The following ZNF839 variants were observed in gnomAD, a reference collection of about 807,000 sequenced individuals.
ZNF839 encodes the protein renal carcinoma antigen NY-REN-50.
A neutral mutation model predicts 56.4 loss-of-function variants in ZNF839; 38 were observed. That is an observed-to-expected ratio of 0.67 (90% CI 0.52 to 0.88). The LOEUF (loss-of-function observed/expected upper bound fraction) is 0.88, where lower values mean the gene tolerates loss of function less well. Ranked by LOEUF, ZNF839 falls within the 40% of genes least tolerant of loss-of-function variation. The pLI, the probability that ZNF839 is intolerant of heterozygous loss-of-function variation, is 0.00. For missense variants in ZNF839, 1,091 were observed against 1,177.6 expected (o/e 0.93, Z 1.08); for synonymous variants, 486 against 493.5 (o/e 0.98, Z 0.20).
chr14:102,341,433 G>A lies in ZNF839; in HGVS notation c.2038G>A (p.Ala680Thr). ...SVFQAGPQLQ[A>T]LANLEARRGS... ...GTTCCAGGCGGGCCCGCAGCTTCAG[G>A]CACTGGCTAACTTAGAAGCCAGGAG... is the stretch of plus-strand genomic sequence containing the variant. The change falls in exon 8 of 8, where the codon GCA (alanine) becomes ACA (threonine). Residue 680 changes from alanine to threonine, a missense_variant. Physicochemically the swap from Ala to Thr is moderately conservative, Grantham distance 58 (BLOSUM62 0). Around this residue, in one of 3 missense-constraint regions of ZNF839, gnomAD observed 431 missense variants for 468.0 expected, o/e 0.92. Coordinates refer to ENST00000442396, the MANE Select transcript of ZNF839 (RefSeq NM_018335.6). 2 of 1,593,684 alleles carry A rather than the reference G, an allele frequency of 1.3e-6. No individual in the cohort carries two copies. The highest frequency in any genetic ancestry group is 1.7e-6 in the Non-Finnish European group (2 of 1,169,624).
In ZNF839 at chr14:102,338,180, A is replaced by G. The variant is rs114358968; in HGVS notation, c.1660-636A>G. On this transcript the variant is annotated intron_variant, in intron 5 of 7. Transcript: ENST00000442396. The stretch of plus-strand genomic sequence containing the variant: ...AGGGATAGTGGGAAAGAAAGTTACT[A>G]TGGTATCAGCTAACATTATTAAGCT... Among the ~76,000 whole-genome samples, 208 of 152,348 alleles carry G rather than the reference A, an allele frequency of 1.4e-3. 2 individuals are homozygous for G. Among genetic ancestry groups the G allele is most frequent in the African/African-American group, 4.8e-3 (200 of 41,588 alleles).
intron 4 of ZNF839, 130 bp downstream of exon 4, chr14:102,334,776 C>T (rs188377619): frequency 3.6e-5 from 15 of 411,988 alleles, no homozygotes; most frequent in African/African-American, 3.0e-4. Context: ...CAGGGTCTTG[C>T]TCTGTCGCCC....
Position 102,332,623 on chromosome 14 carries a change from G to A in ZNF839, c.1416+777G>A, listed in dbSNP as rs917472709. Reference sequence around the variant, plus strand: ...AACCAGTCATCTGACAAAACTGTCAGTTGAGGCCGGGCACGGTGGCTCACA... The same window carrying A: ...AACCAGTCATCTGACAAAACTGTCAATTGAGGCCGGGCACGGTGGCTCACA... On this transcript the variant is annotated intron_variant, in intron 3 of 7. Transcript: ENST00000442396. The surrounding 1 kb of genome is among the most constrained non-coding windows in gnomAD (Gnocchi z 4.9). Among the ~76,000 whole-genome samples, 1 of 151,978 alleles carries A rather than the reference G, an allele frequency of 6.6e-6. No individual in the cohort carries two copies. Among genetic ancestry groups the A allele is most frequent in the African/African-American group, 2.4e-5 (1 of 41,392 alleles).
At chr14:102,320,236 C>T (rs1004614395) in intron 1 of ZNF839, among the ~76,000 whole-genome samples, 183 bp downstream of exon 1, 1 of 152,172 alleles carries the variant, frequency 6.6e-6, no homozygotes, top group Non-Finnish European at 1.5e-5. Context: ...ATTTTCACCC[C>T]AGGAGCCTCA....
Position 102,336,316 on chromosome 14 carries a change from A to G in ZNF839, c.1659+478A>G, listed in dbSNP as rs370098889. Among the ~76,000 whole-genome samples, 42 of 150,940 alleles carry G rather than the reference A, an allele frequency of 2.8e-4. 1 individual carries two copies. Among genetic ancestry groups the G allele is most frequent in the African/African-American group, 9.5e-4 (39 of 41,072 alleles). Reference sequence around the variant, plus strand: ...TTTTTTCTTTTTGTTTTTTTGGGAGATGGAGTCTTGCTCTGTCACCCAGGC... The same window carrying G: ...TTTTTTCTTTTTGTTTTTTTGGGAGGTGGAGTCTTGCTCTGTCACCCAGGC... On this transcript the variant is annotated intron_variant, in intron 5 of 7. Transcript: ENST00000442396.
intron 7 of ZNF839, among the ~76,000 whole-genome samples, chr14:102,340,916 A>G (rs7151376): frequency 6.6e-6 from 1 of 151,948 alleles, no homozygotes; most frequent in Non-Finnish European, 1.5e-5. Context: ...CTAAAAATAC[A>G]AAAATTAGCT....
chr14:102,323,149 G>A (rs544895476), intron 1 of ZNF839, among the ~76,000 whole-genome samples: 1 of 152,322 alleles, frequency 6.6e-6, no homozygotes, highest in African/African-American at 2.4e-5. Flanking sequence ...GGGCCAGTTG[G>A]TCGTCCCAAA....
intron 2 of ZNF839, among the ~76,000 whole-genome samples, chr14:102,330,741 C>T (rs975017091): frequency 6.6e-6 from 1 of 152,156 alleles, no homozygotes; most frequent in African/African-American, 2.4e-5. Flanking sequence ...TGGTCTCAAA[C>T]TCCTGACCTC....
rs376419486 is a variant in ZNF839 at position 102,335,766 on chromosome 14, G to C, written c.1587G>C (p.Lys529Asn). The change falls in exon 5 of 8, where the codon AAG becomes AAC. Residue 529 changes from lysine (K) to asparagine (N), a missense_variant. By Grantham distance (94) the Lys-to-Asn change is moderately conservative. Around this residue, in one of 3 missense-constraint regions of ZNF839, gnomAD observed 46 missense variants for 80.4 expected, o/e 0.57. Transcript: ENST00000442396. ...TTGAAGAGTTGCATAAAATGGTTAA[G>C]AAAATGTGCCAAGATTACCTCAGTA... ...KEFEELHKMVKKMCQDYLSSS... is the reference protein window; with the variant it reads ...KEFEELHKMVNKMCQDYLSSS... 6.2e-7 allele frequency: 1 copy of C among 1,605,030 alleles called. No homozygotes were observed. Among genetic ancestry groups the C allele is most frequent in the Non-Finnish European group, 8.5e-7 (1 of 1,179,834 alleles).
At chr14:102,335,577 C>A in intron 4 of ZNF839, 112 bp from the exon 5 acceptor site, 2 of 1,094,214 alleles carry the variant, frequency 1.8e-6, no homozygotes, top group South Asian at 1.6e-5. Flanking sequence ...ACGCACACCA[C>A]TGAGGGCTGC....
intron 3 of ZNF839, among the ~76,000 whole-genome samples, chr14:102,333,091 C>T (rs2073860790): frequency 6.6e-6 from 1 of 152,172 alleles, no homozygotes; most frequent in South Asian, 2.1e-4. Context: ...CAGCTGGCCA[C>T]TTCTTTCAAA....
chr14:102,321,800 G>A (rs2073140635), intron 1 of ZNF839, among the ~76,000 whole-genome samples: 1 of 152,176 alleles, frequency 6.6e-6, no homozygotes, highest in African/African-American at 2.4e-5. Context: ...ATCTGAACTA[G>A]ATTTGAAAGG....
chr14:102,334,488 C>T (rs1262348686), intron 3 of ZNF839, 66 bp from the exon 4 acceptor site: 1 of 1,191,316 alleles, frequency 8.4e-7, no homozygotes, highest in Non-Finnish European at 1.2e-6. Flanking sequence ...TATATTGCAC[C>T]AACTTGTTGG....
At chr14:102,337,890 C>T (rs151129902) in intron 5 of ZNF839, among the ~76,000 whole-genome samples, 4 of 152,280 alleles carry the variant, frequency 2.6e-5, no homozygotes, top group East Asian at 3.9e-4. Flanking sequence ...CTGGTGTTTA[C>T]GTAGGCATTG....
intron 5 of ZNF839, among the ~76,000 whole-genome samples, chr14:102,338,295 T>A (rs1225023602): frequency 6.6e-6 from 1 of 152,136 alleles, no homozygotes; most frequent in Non-Finnish European, 1.5e-5. Context: ...CCCAACACTT[T>A]GGGAGGCTGA....
At position 102,331,686 on chromosome 14, in the gene ZNF839, G is replaced by A. The variant is rs531362777; in HGVS notation, c.1256G>A (p.Arg419Gln). Residue 419 changes from arginine (R) to glutamine (Q), a missense_variant, in exon 3 of 8, where the codon CGA (arginine) becomes CAA (glutamine). Around this residue, in one of 3 missense-constraint regions of ZNF839, gnomAD observed 614 missense variants for 629.2 expected, o/e 0.98. Transcript: ENST00000442396. ...GAACCAGAAAATGGAGCTCTTTTGC[G>A]ATCAGAGAGATACCAAGGACCTAGA... ...PSEPENGALL[R>Q]SERYQGPRRR... 608 of 1,612,024 alleles carry A rather than the reference G, an allele frequency of 3.8e-4. 11 individuals carry two copies. In the South Asian group the frequency reaches 6.2e-3, roughly 16 times the overall value.
intron 2 of ZNF839, among the ~76,000 whole-genome samples, chr14:102,328,160 GC>G (rs1270406695): frequency 2.0e-5 from 3 of 151,490 alleles, no homozygotes; most frequent in African/African-American, 7.3e-5. Flanking sequence ...TTCGAGACCA[GC>G]CTGGCCAACA....
intron 1 of ZNF839, among the ~76,000 whole-genome samples, chr14:102,322,835 G>T (rs749155794): frequency 3.9e-5 from 6 of 152,202 alleles, no homozygotes; most frequent in Non-Finnish European, 7.3e-5. Context: ...AAAGCACTGC[G>T]ATTACAGGTG....
Position 102,331,653 on chromosome 14 carries a change from T to C in ZNF839, c.1223T>C (p.Leu408Ser). 7 of 1,612,614 alleles carry C rather than the reference T, an allele frequency of 4.3e-6. No individual in the cohort carries two copies. The highest frequency in any genetic ancestry group is 5.9e-6 in the Non-Finnish European group (7 of 1,179,280). Residue 408 changes from leucine to serine, a missense_variant, in exon 3 of 8, where the codon TTG (leucine) becomes TCG (serine). Around this residue, in one of 3 missense-constraint regions of ZNF839, gnomAD observed 614 missense variants for 629.2 expected, o/e 0.98. Coordinates refer to ENST00000442396, the MANE Select transcript of ZNF839 (RefSeq NM_018335.6). ...NGQSVDVEET[L>S]PSEPENGALL... ...CAGTCTGTAGACGTTGAAGAGACAT[T>C]GCCATCTGAACCAGAAAATGGAGCT...
Sources: allele counts gnomAD v4.1 joint callset (sites outside exome capture counted in the v4.1 genomes callset), GRCh38; gene constraint gnomAD v4.1.1; regional missense constraint gnomAD v4.1.1; non-coding constraint Gnocchi (gnomAD v3.1); transcripts MANE v1.5; gene names NCBI Gene and HGNC (gene_info 2026-07-23, HGNC 2026-07-21).